The following PALM2AKAP2 variants were observed in gnomAD, a reference collection of about 807,000 sequenced individuals.
PALM2AKAP2 encodes PALM2-AKAP2 fusion protein.
A neutral mutation model predicts 71.5 loss-of-function variants in PALM2AKAP2; 37 were observed. That is an observed-to-expected ratio of 0.52 (90% CI 0.40 to 0.68). The LOEUF (loss-of-function observed/expected upper bound fraction) is 0.68. Ranked by LOEUF, PALM2AKAP2 falls within the 30% of genes least tolerant of loss-of-function variation. PALM2AKAP2 has a pLI of 0.00. For synonymous variants in PALM2AKAP2, 468 were observed against 478.8 expected (o/e 0.98, Z 0.29); for missense variants, 1,224 against 1,191.8 (o/e 1.03, Z -0.40).
chr9:109,790,495 G>C (rs912936662), intron 1 of PALM2AKAP2, among the ~76,000 whole-genome samples: 8 of 152,136 alleles, frequency 5.3e-5, no homozygotes, highest in African/African-American at 1.9e-4. Flanking sequence ...GCAGGCAGGG[G>C]ATTTTCTTTG....
chr9:109,705,176 T>A (rs375878696), intron 1 of PALM2AKAP2, among the ~76,000 whole-genome samples: 3 of 152,326 alleles, frequency 2.0e-5, no homozygotes, highest in East Asian at 1.9e-4. Context: ...ACCCTCCTCA[T>A]TGACTTGGAA....
chr9:110,032,751 T>TA (rs1224025092), intron 7 of PALM2AKAP2, among the ~76,000 whole-genome samples: 10 of 142,128 alleles, frequency 7.0e-5, no homozygotes, highest in African/African-American at 2.0e-4. Flanking sequence ...AAATAAAAAA[T>TA]AAAAAAACAA....
upstream of PALM2AKAP2, among the ~76,000 whole-genome samples, chr9:110,044,974 G>A (rs183178835): frequency 6.6e-6 from 1 of 152,264 alleles, no homozygotes; most frequent in African/African-American, 2.4e-5. Flanking sequence ...AGGGAGAAGA[G>A]CTTCTCTCAA....
At chr9:109,715,516 C>A (rs1006751179) in intron 1 of PALM2AKAP2, among the ~76,000 whole-genome samples, 1 of 152,190 alleles carries the variant, frequency 6.6e-6, no homozygotes, top group South Asian at 2.1e-4. Context: ...CTTCTGACTA[C>A]ATGTGAGCAT....
chr9:109,960,049 C>A (rs574264095), intron 6 of PALM2AKAP2, among the ~76,000 whole-genome samples: 24 of 152,278 alleles, frequency 1.6e-4, no homozygotes, highest in Middle Eastern at 3.4e-3. Context: ...TCCATCACCC[C>A]CCTCCGCGAA....
At chr9:110,157,836 A>C (rs1836497804) in intron 3 of PALM2AKAP2, among the ~76,000 whole-genome samples, 1 of 152,210 alleles carries the variant, frequency 6.6e-6, no homozygotes, top group Non-Finnish European at 1.5e-5. Flanking sequence ...AAGTTAAAGG[A>C]TTTCTGGAGT....
At chr9:109,867,696 T>A (rs1393979592) in intron 2 of PALM2AKAP2, 125 bp downstream of exon 2, 5 of 1,089,984 alleles carry the variant, frequency 4.6e-6, no homozygotes, top group Non-Finnish European at 5.1e-6. Context: ...TTTCATTCAA[T>A]CAGGAAACCA....
intron 1 of PALM2AKAP2, among the ~76,000 whole-genome samples, chr9:109,841,993 G>T (rs1361210683): frequency 6.6e-6 from 1 of 150,852 alleles, no homozygotes; most frequent in Non-Finnish European, 1.5e-5. Context: ...AGGGATAGAG[G>T]GGAGGTGGGA....
chr9:109,832,275 G>A (rs1462764179), intron 1 of PALM2AKAP2, among the ~76,000 whole-genome samples: 3 of 152,198 alleles, frequency 2.0e-5, no homozygotes, highest in Non-Finnish European at 2.9e-5. Flanking sequence ...TCTCTGAGTC[G>A]CTTACTAGTG....
intron 1 of PALM2AKAP2, among the ~76,000 whole-genome samples, chr9:109,822,755 T>A (rs992843935): frequency 6.6e-6 from 1 of 152,208 alleles, no homozygotes; most frequent in African/African-American, 2.4e-5. Context: ...ATGTACCACA[T>A]TGATGTCCAC....
chr9:110,073,707 T>A (rs1004975852), intron 1 of PALM2AKAP2, among the ~76,000 whole-genome samples: 5 of 152,200 alleles, frequency 3.3e-5, no homozygotes, highest in Non-Finnish European at 7.3e-5. Context: ...CTGCAGTGTC[T>A]ACATTATGGG....
intron 1 of PALM2AKAP2, among the ~76,000 whole-genome samples, chr9:109,644,734 T>C (rs1290924680): frequency 2.6e-5 from 4 of 151,792 alleles, no homozygotes; most frequent in East Asian, 1.9e-4. Flanking sequence ...CCCTAAATCA[T>C]CTCTCTCAAG....
At chr9:110,088,708 T>TG (rs1478442394) in intron 1 of PALM2AKAP2, among the ~76,000 whole-genome samples, 10 of 58,906 alleles carry the variant, frequency 1.7e-4, no homozygotes, top group Non-Finnish European at 3.0e-4. Flanking sequence ...TACGTGTTTT[T>TG]TTTTTTTTTT....
intron 6 of PALM2AKAP2, among the ~76,000 whole-genome samples, chr9:109,987,706 C>T (rs115012405): frequency 2.6e-4 from 40 of 152,252 alleles, no homozygotes; most frequent in African/African-American, 8.9e-4. Context: ...AATTTTACAA[C>T]ACAGTGACAT....
upstream of PALM2AKAP2, among the ~76,000 whole-genome samples, chr9:109,777,499 T>G (rs550622861): frequency 2.3e-4 from 35 of 152,360 alleles, no homozygotes; most frequent in South Asian, 7.3e-3. Flanking sequence ...CACCTTCATC[T>G]TTCACATCTG....
At chr9:109,818,144 C>T (rs1392098357) in intron 1 of PALM2AKAP2, among the ~76,000 whole-genome samples, 1 of 152,098 alleles carries the variant, frequency 6.6e-6, no homozygotes, top group Admixed American at 6.6e-5. Flanking sequence ...AAATAGTGTA[C>T]GCTAATGAAT....
rs35588802 is a variant in PALM2AKAP2, at chr9:110,164,528, CTTTTT to C, written c.2749-3855_2749-3851del. Among the ~76,000 whole-genome samples the C allele has an allele frequency of 5.3e-4, 69 of 129,262 alleles. 1 individual carries two copies. The highest frequency in any genetic ancestry group is 1.0e-3 in the Admixed American group (13 of 12,726). 84.8% of individuals were successfully genotyped at this position (129,262 alleles called of 152,430 possible). A position where few individuals can be genotyped will look rare whatever the true frequency, so the allele number is the denominator to read the frequency against. On this transcript the variant is annotated intron_variant, in intron 3 of 3. Coordinates refer to ENST00000374525, the Ensembl canonical transcript of PALM2AKAP2. ...AAACTTTGTTTATTTATTTAGTTTA[CTTTTT>C]TTTTTTTTTTTTTTTGAGACACCGT...
intron 1 of PALM2AKAP2, among the ~76,000 whole-genome samples, chr9:110,131,003 A>G (rs1207031280): frequency 6.6e-6 from 1 of 152,180 alleles, no homozygotes. Context: ...AAAGGGAGCT[A>G]AGTACTGGAG....
At chr9:109,686,768 C>A (rs1827811044) in intron 1 of PALM2AKAP2, among the ~76,000 whole-genome samples, 1 of 151,786 alleles carries the variant, frequency 6.6e-6, no homozygotes, top group South Asian at 2.1e-4. Flanking sequence ...TGTTGGTGTG[C>A]TGCACCCACT....
Sources: allele counts gnomAD v4.1 joint callset (sites outside exome capture counted in the v4.1 genomes callset), GRCh38; gene constraint gnomAD v4.1.1; transcripts MANE v1.5; gene names NCBI Gene and HGNC (gene_info 2026-07-23, HGNC 2026-07-21).